Variants in TOM1L2 observed in about 807,000 individuals in gnomAD.
TOM1L2 encodes target of myb1 like 2 membrane trafficking protein.
Under a neutral mutation model 67.9 loss-of-function variants are expected in TOM1L2, and 31 were observed. The observed-to-expected ratio is 0.46, with a 90% CI of 0.34 to 0.62. The LOEUF is 0.62. Ranked by LOEUF, TOM1L2 falls within the 20% of genes least tolerant of loss-of-function variation. TOM1L2 has a pLI of 0.01. For missense variants in TOM1L2, 606 were observed against 663.5 expected (o/e 0.91, Z 0.95); for synonymous variants, 256 against 254.0 (o/e 1.01, Z -0.07).
At chr17:17,889,008 C>T (rs2038133700) in intron 4 of TOM1L2, among the ~76,000 whole-genome samples, 1 of 152,234 alleles carries the variant, frequency 6.6e-6, no homozygotes, top group South Asian at 2.1e-4. Flanking sequence ...AACCAGGCTG[C>T]ACCACTCTCA....
intron 7 of TOM1L2, among the ~76,000 whole-genome samples, chr17:17,879,142 G>A (rs1400511638): frequency 6.6e-6 from 1 of 152,214 alleles, no homozygotes; most frequent in Non-Finnish European, 1.5e-5. Context: ...CACCTTGGGG[G>A]TGAGGTGCCA....
intron 1 of TOM1L2, among the ~76,000 whole-genome samples, chr17:17,913,005 G>A (rs976588114): frequency 9.2e-5 from 14 of 152,314 alleles, no homozygotes; most frequent in South Asian, 2.1e-4. Flanking sequence ...CCAACACAGC[G>A]AAACCCCGTC....
intron 1 of TOM1L2, among the ~76,000 whole-genome samples, chr17:17,922,995 T>A (rs1417671625): frequency 6.6e-6 from 1 of 152,134 alleles, no homozygotes; most frequent in African/African-American, 2.4e-5. Context: ...ACCGCAGGCA[T>A]CACCAGGAAC....
intron 1 of TOM1L2, among the ~76,000 whole-genome samples, chr17:17,939,853 C>T (rs2040657825): frequency 6.6e-6 from 1 of 152,152 alleles, no homozygotes; most frequent in Non-Finnish European, 1.5e-5. Context: ...GTAGGAGGCT[C>T]TGTAGTAGCC....
intron 4 of TOM1L2, among the ~76,000 whole-genome samples, chr17:17,887,413 A>G (rs2038053462): frequency 6.6e-6 from 1 of 152,186 alleles, no homozygotes; most frequent in Non-Finnish European, 1.5e-5. Flanking sequence ...TCTCCCATTC[A>G]TATGTGAAAA....
rs1162411336 is a variant in TOM1L2 at position 17,869,456 on chromosome 17, A to G, written c.795T>C (p.Cys265=). Residue 265 remains cysteine, a synonymous_variant, in exon 8 of 15, where the codon TGT becomes TGC. Transcript: ENST00000379504. ...LELLQELNRT[C]RAMQQRIVEL... ...CCACGATGCGCTGCTGCATGGCCCG[A>G]CAGGTCCTGTTGAGCTCCTAGGGAA... 1.1e-5 allele frequency: 17 copies of G among 1,611,006 alleles called. No individual in the cohort carries two copies. Among genetic ancestry groups the G allele is most frequent in the Non-Finnish European group, 1.4e-5 (17 of 1,178,716 alleles).
intron 1 of TOM1L2, among the ~76,000 whole-genome samples, chr17:17,952,589 C>T (rs2041259209): frequency 6.6e-6 from 1 of 151,860 alleles, no homozygotes; most frequent in South Asian, 2.1e-4. Flanking sequence ...GCAACAAGGT[C>T]TTACTGTGTT....
chr17:17,920,254 T>A (rs1365682271), intron 1 of TOM1L2, among the ~76,000 whole-genome samples: 1 of 151,942 alleles, frequency 6.6e-6, no homozygotes, highest in Non-Finnish European at 1.5e-5. Flanking sequence ...TATTTTGGAA[T>A]AATTTTATAT....
intron 7 of TOM1L2, among the ~76,000 whole-genome samples, chr17:17,870,967 G>A (rs571722325): frequency 1.1e-3 from 168 of 152,298 alleles, no homozygotes; most frequent in Middle Eastern, 3.4e-3. Flanking sequence ...CTGCCCTCCC[G>A]TCTAGACTGA....
chr17:17,936,648 G>A (rs960831283), intron 1 of TOM1L2, among the ~76,000 whole-genome samples: 7 of 151,820 alleles, frequency 4.6e-5, no homozygotes, highest in Admixed American at 4.6e-4. Context: ...TCCACATAAG[G>A]GAATATTATG....
At chr17:17,903,612 CAA>C (rs111261278) in intron 2 of TOM1L2, among the ~76,000 whole-genome samples, 6 of 73,576 alleles carry the variant, frequency 8.2e-5, no homozygotes, top group Admixed American at 1.6e-4. Context: ...GACTCCATCT[CAA>C]AAAAAAAAAA....
intron 12 of TOM1L2, chr17:17,857,748 G>C: frequency 3.9e-6 from 6 of 1,533,650 alleles, no homozygotes; most frequent in Non-Finnish European, 5.2e-6. Flanking sequence ...AGCAGGCTTG[G>C]CTCGGCTGGT....
Position 17,913,240 on chromosome 17 carries a change from G to GGAGAGGGAGA in TOM1L2, c.53-5710_53-5709insTCTCCCTCTC, listed in dbSNP as rs530843480. Among the ~76,000 whole-genome samples, 76 of 119,720 alleles carry GGAGAGGGAGA rather than the reference G, an allele frequency of 6.3e-4. No homozygotes were observed. In the South Asian group the frequency reaches 0.015, roughly 23 times the overall value. The allele number at this position is 119,720 out of a possible 152,430, so 78.5% of individuals were successfully genotyped here. Reference sequence around the variant, plus strand: ...GGGAGAGGGAGACCGTGGGGAGACGGGGGAGACCGTGGGGAGACGGGAGAG... The same window carrying GGAGAGGGAGA: ...GGGAGAGGGAGACCGTGGGGAGACGGGAGAGGGAGAGGGAGACCGTGGGGAGACGGGAGAG... On this transcript the variant is annotated intron_variant, in intron 1 of 14. Coordinates refer to ENST00000379504, the MANE Select transcript of TOM1L2 (RefSeq NM_001082968.2).
intron 1 of TOM1L2, among the ~76,000 whole-genome samples, chr17:17,958,298 A>G (rs2041547687): frequency 6.6e-6 from 1 of 152,134 alleles, no homozygotes; most frequent in East Asian, 1.9e-4. Context: ...ACAGTCCCAG[A>G]CTTTCCCAGT....
In TOM1L2 at chr17:17,845,635, C is replaced by T. The variant is rs986859234; in HGVS notation, c.*2000G>A. 6.6e-6 allele frequency: 1 copy of T among 152,298 alleles called. No individual in the cohort carries two copies. Among genetic ancestry groups the T allele is most frequent in the Admixed American group, 6.5e-5 (1 of 15,290 alleles). 9.4% of individuals were successfully genotyped at this position (152,298 alleles called of 1,614,324 possible). A position where few individuals can be genotyped will look rare whatever the true frequency, so the allele number is the denominator to read the frequency against. On this transcript the variant is annotated 3_prime_UTR_variant, in exon 15 of 15. Transcript: ENST00000379504. ...CCCGCAGGCCCAGCTCTGGCAGGGC[C>T]TCAGAGACAACCCAAGTCACAACCC...
At chr17:17,870,140 G>A (rs1392116350) in intron 7 of TOM1L2, among the ~76,000 whole-genome samples, 1 of 152,132 alleles carries the variant, frequency 6.6e-6, no homozygotes, top group East Asian at 1.9e-4. Context: ...GTATATTTTG[G>A]TGGCACGTCT....
intron 14 of TOM1L2, 25 bp downstream of exon 14, chr17:17,848,798 T>C (rs1260339963): frequency 1.2e-6 from 2 of 1,613,594 alleles, no homozygotes; most frequent in Non-Finnish European, 8.5e-7. Flanking sequence ...AAAAGGGGGC[T>C]GTAAGGCCAC....
At chr17:17,926,042 G>A (rs1020881191) in intron 1 of TOM1L2, among the ~76,000 whole-genome samples, 7 of 151,574 alleles carry the variant, frequency 4.6e-5, no homozygotes, top group African/African-American at 9.7e-5. Flanking sequence ...TCAGTGGCAC[G>A]CACCTGTAGT....
rs376937237 is a variant in TOM1L2 at position 17,964,152 on chromosome 17, C to G, written c.52+8110G>C. ...TCAAGAAGGTTGGAGGGAGCAATAACATATGTAACCAAGTCTGAGACTGGT... is the reference window on the plus strand; with the variant it reads ...TCAAGAAGGTTGGAGGGAGCAATAAGATATGTAACCAAGTCTGAGACTGGT... On this transcript the variant is annotated intron_variant, in intron 1 of 14. Coordinates refer to ENST00000379504, the MANE Select transcript of TOM1L2 (RefSeq NM_001082968.2). Among the ~76,000 whole-genome samples the G allele has an allele frequency of 3.3e-5, 5 of 152,164 alleles. No homozygotes were observed. In the South Asian group the frequency reaches 1.0e-3, roughly 32 times the overall value.
Sources: gnomAD v4.1 joint callset for allele counts (sites outside exome capture counted in the v4.1 genomes callset) on GRCh38, gnomAD v4.1.1 for gene constraint, MANE v1.5 for transcripts, NCBI Gene and HGNC (gene_info 2026-07-23, HGNC 2026-07-21) for gene names.